The following MRAS variants were observed in gnomAD, a reference collection of about 807,000 sequenced individuals.
MRAS encodes the protein muscle RAS oncogene homolog.
MRAS carries 4 observed loss-of-function variants against 20.9 expected under a neutral mutation model. The observed-to-expected ratio is 0.19, with a 90% CI of 0.09 to 0.44. MRAS has a LOEUF of 0.44. Among genes scored for constraint, MRAS ranks in the 20% least tolerant of loss-of-function variants. The pLI is 0.99. For synonymous variants in MRAS, 98 were observed against 102.9 expected (o/e 0.95, Z 0.29); for missense variants, 154 against 277.5 (o/e 0.56, Z 3.16).
intron 1 of MRAS, among the ~76,000 whole-genome samples, chr3:138,367,982 A>T (rs1385686894): frequency 6.6e-6 from 1 of 152,374 alleles, no homozygotes; most frequent in African/African-American, 2.4e-5. Flanking sequence ...AGTTTCCAGT[A>T]TGAACAACGG....
At chr3:138,385,139 C>T (rs370182309) in intron 2 of MRAS, among the ~76,000 whole-genome samples, 38 of 102,070 alleles carry the variant, frequency 3.7e-4, no homozygotes, top group African/African-American at 1.3e-3. Context: ...GGCCAAGGGG[C>T]GGGGTTTTGA....
intron 2 of MRAS, among the ~76,000 whole-genome samples, chr3:138,374,951 A>G (rs1270381020): frequency 6.6e-6 from 1 of 151,996 alleles, no homozygotes; most frequent in Non-Finnish European, 1.5e-5. Context: ...GCATGATCTT[A>G]GCTCACTGCA....
chr3:138,377,704 G>A (rs962781161), intron 2 of MRAS, among the ~76,000 whole-genome samples: 1 of 152,198 alleles, frequency 6.6e-6, no homozygotes, highest in Non-Finnish European at 1.5e-5. Context: ...GCCCTCAGTT[G>A]CCCTGTACCC....
At chr3:138,402,073 C>A in intron 5 of MRAS, 97 bp from the exon 6 acceptor site, 1 of 1,175,152 alleles carries the variant, frequency 8.5e-7, no homozygotes, top group Non-Finnish European at 1.2e-6. Flanking sequence ...CCAGAACAGG[C>A]CTCCTCTGAC....
intron 1 of MRAS, among the ~76,000 whole-genome samples, chr3:138,357,168 G>A (rs944314654): frequency 6.6e-6 from 1 of 152,222 alleles, no homozygotes; most frequent in African/African-American, 2.4e-5. Flanking sequence ...GGGTAAATAG[G>A]AAAGACGGCA....
chr3:138,376,454 A>G (rs1487626349), intron 2 of MRAS, among the ~76,000 whole-genome samples: 1 of 152,214 alleles, frequency 6.6e-6, no homozygotes, highest in Non-Finnish European at 1.5e-5. Flanking sequence ...TACTGACTGC[A>G]TTATTCCTAG....
chr3:138,388,698 C>G (rs2055067158), intron 2 of MRAS, among the ~76,000 whole-genome samples: 1 of 151,478 alleles, frequency 6.6e-6, no homozygotes, highest in South Asian at 2.1e-4. Context: ...GACTCTGTCT[C>G]AAAAACATAA....
At chr3:138,362,331 C>G (rs1310568990) in intron 1 of MRAS, among the ~76,000 whole-genome samples, 2 of 152,120 alleles carry the variant, frequency 1.3e-5, no homozygotes, top group East Asian at 3.9e-4. Context: ...TTTTCACTAG[C>G]CTGTGCCCTT....
At position 138,367,046 on chromosome 3, in the gene MRAS, G is replaced by A. The variant is rs536510261; in HGVS notation, c.-18-5820G>A. Among the ~76,000 whole-genome samples the A allele has an allele frequency of 3.9e-5, 6 of 152,306 alleles. No homozygotes were observed. In the East Asian group the frequency reaches 1.2e-3, roughly 29 times the overall value. On this transcript the variant is annotated intron_variant, in intron 1 of 5. Coordinates refer to ENST00000423968, the MANE Select transcript of MRAS (RefSeq NM_001085049.3). ...GGAGAAGTGGCAAATTTCGTGAGGG[G>A]TAAGACCCACTGAGCCCTGCCGTTT...
intron 1 of MRAS, among the ~76,000 whole-genome samples, chr3:138,360,604 A>T (rs1345323099): frequency 6.6e-6 from 1 of 151,796 alleles, no homozygotes; most frequent in Non-Finnish European, 1.5e-5. Context: ...GTCCAGTGGG[A>T]CTCCTCACAT....
At chr3:138,348,287 C>A (rs1169559253), upstream of MRAS, 2 of 152,258 alleles carry the variant, frequency 1.3e-5, no homozygotes, top group Admixed American at 6.5e-5. Context: ...TCGGCGTCCA[C>A]CTTAAAGCCA....
intron 1 of MRAS, among the ~76,000 whole-genome samples, chr3:138,357,738 C>G (rs1253671709): frequency 6.6e-6 from 1 of 152,224 alleles, no homozygotes; most frequent in Non-Finnish European, 1.5e-5. Context: ...TCTTCATCTG[C>G]TAAGCCACTA....
intron 1 of MRAS, among the ~76,000 whole-genome samples, chr3:138,359,319 T>A (rs2054398495): frequency 6.6e-6 from 1 of 152,126 alleles, no homozygotes; most frequent in African/African-American, 2.4e-5. Context: ...TCCTTCTTCC[T>A]CCGCATCTGC....
intron 2 of MRAS, among the ~76,000 whole-genome samples, chr3:138,387,535 C>CAA (rs2055042692): frequency 2.0e-5 from 3 of 152,334 alleles, no homozygotes; most frequent in Admixed American, 2.0e-4. Flanking sequence ...AAGCAGATCA[C>CAA]TAGCCTTGCC....
At chr3:138,401,453 C>T (rs1324134785) in intron 5 of MRAS, among the ~76,000 whole-genome samples, 1 of 152,188 alleles carries the variant, frequency 6.6e-6, no homozygotes, top group Non-Finnish European at 1.5e-5. Flanking sequence ...ACATTCTTCA[C>T]TTTATGTTTT....
chr3:138,356,897 TC>T (rs1238029860), intron 1 of MRAS, among the ~76,000 whole-genome samples: 6 of 151,990 alleles, frequency 3.9e-5, no homozygotes, highest in Non-Finnish European at 8.8e-5. Flanking sequence ...ACTGACCCCG[TC>T]CCCCCGTCCC....
At chr3:138,373,926 CTT>C (rs2054727394) in intron 2 of MRAS, among the ~76,000 whole-genome samples, 4 of 137,572 alleles carry the variant, frequency 2.9e-5, no homozygotes. Flanking sequence ...TCTTCTTTCT[CTT>C]GTCAGTTTTA....
At chr3:138,371,772 CT>C (rs2108518379) in intron 1 of MRAS, among the ~76,000 whole-genome samples, 1 of 152,114 alleles carries the variant, frequency 6.6e-6, no homozygotes, top group African/African-American at 2.4e-5. Flanking sequence ...GGGGATCCCC[CT>C]AGCTGCACCT....
rs370818870 is a variant in MRAS, at chr3:138,381,609, G to T, written c.193+8533G>T. 9.8e-5 allele frequency among the ~76,000 whole-genome samples: 15 copies of T among 152,336 alleles called. No homozygotes were observed. The East Asian group carries it at 2.7e-3, about 27-fold the overall frequency. Reference sequence around the variant, plus strand: ...TTTCTTCCATCGGTGGAGAACAGCAGTGGGCCCTGAGTCTCCAGACACTGC... The same window carrying T: ...TTTCTTCCATCGGTGGAGAACAGCATTGGGCCCTGAGTCTCCAGACACTGC... On this transcript the variant is annotated intron_variant, in intron 2 of 5. Coordinates refer to ENST00000423968, the MANE Select transcript of MRAS (RefSeq NM_001085049.3).
Sources: allele counts gnomAD v4.1 joint callset (sites outside exome capture counted in the v4.1 genomes callset), GRCh38; gene constraint gnomAD v4.1.1; transcripts MANE v1.5; gene names NCBI Gene and HGNC (gene_info 2026-07-23, HGNC 2026-07-21).